The following MYO16 variants were observed in gnomAD, a reference collection of about 807,000 sequenced individuals.
The protein encoded by MYO16 is unconventional myosin-XVI.
In MYO16, 94 loss-of-function variants were observed where a neutral mutation model predicts 205.3. The observed-to-expected ratio is 0.46, with a 90% CI of 0.39 to 0.54. The LOEUF is 0.54. Among genes scored for constraint, MYO16 ranks in the 20% least tolerant of loss-of-function variants. MYO16 has a pLI of 0.00. For missense variants in MYO16, 2,315 were observed against 2,387.5 expected (o/e 0.97, Z 0.63); for synonymous variants, 988 against 954.0 (o/e 1.04, Z -0.66).
chr13:108,844,310 G>C, intron 9 of MYO16, 33 bp from the exon 10 acceptor site: 5 of 1,579,088 alleles, frequency 3.2e-6, no homozygotes, highest in Non-Finnish European at 4.3e-6. Context: ...ATTAGAAAGA[G>C]ACTAATTGTA....
intron 15 of MYO16, among the ~76,000 whole-genome samples, chr13:108,904,680 A>G (rs1339385986): frequency 1.3e-5 from 2 of 152,180 alleles, no homozygotes. Context: ...AAGTGGGGAA[A>G]TAAACTTTCT....
intron 16 of MYO16, among the ~76,000 whole-genome samples, chr13:108,929,388 T>G (rs2139286736): frequency 6.6e-6 from 1 of 152,220 alleles, no homozygotes; most frequent in East Asian, 1.9e-4. Context: ...GAAAGAATAA[T>G]GAGGTACCAT....
chr13:108,540,037 T>C, the MYO16 span, among the ~76,000 whole-genome samples: 20 of 152,104 alleles, frequency 1.3e-4, no homozygotes, highest in Admixed American at 2.6e-4. Flanking sequence ...AAAGTAATAA[T>C]GTAATGGGAG....
At chr13:108,785,035 A>G (rs1386093060) in intron 4 of MYO16, among the ~76,000 whole-genome samples, 2 of 152,192 alleles carry the variant, frequency 1.3e-5, no homozygotes, top group Non-Finnish European at 2.9e-5. Context: ...GAATGGCCAT[A>G]TTTAATACAG....
At chr13:108,570,192 TCTTG>T in the MYO16 span, among the ~76,000 whole-genome samples, 1 of 152,130 alleles carries the variant, frequency 6.6e-6, no homozygotes, top group Non-Finnish European at 1.5e-5. Context: ...GAAGGGCTGG[TCTTG>T]CTTGCTTGGT....
intron 1 of MYO16, among the ~76,000 whole-genome samples, chr13:108,597,432 G>A (rs1409534872): frequency 6.6e-6 from 1 of 151,978 alleles, no homozygotes; most frequent in Non-Finnish European, 1.5e-5. Flanking sequence ...TTTAGATGTT[G>A]TCTTATTGAT....
rs532393635 is a variant in MYO16, at chr13:108,923,383, A to G, written c.1925+13233A>G. ...CAGCTCAGTCATTGCTTTTGCTAGC[A>G]GTTACTGACACTAGGAGAGTTATTT... On this transcript the variant is annotated intron_variant, in intron 16 of 34. Coordinates refer to ENST00000457511, the MANE Select transcript of MYO16 (RefSeq NM_001198950.3). 1.2e-4 allele frequency among the ~76,000 whole-genome samples: 18 copies of G among 152,380 alleles called. 1 individual carries two copies. In the South Asian group the frequency reaches 3.5e-3, roughly 30 times the overall value.
At chr13:108,666,502 T>G (rs141332458) in intron 2 of MYO16, among the ~76,000 whole-genome samples, 2,154 of 152,226 alleles carry the variant, frequency 0.014, 24 homozygotes, top group Non-Finnish European at 0.021. Context: ...TAGAAAATTT[T>G]TATAGAGACA....
chr13:109,161,204 G>C (rs956739276), intron 32 of MYO16, among the ~76,000 whole-genome samples: 2 of 152,248 alleles, frequency 1.3e-5, no homozygotes, highest in African/African-American at 2.4e-5. Flanking sequence ...CCAGAGTGCA[G>C]CTTTGCAACC....
chr13:109,127,291 CAA>C lies in MYO16; in HGVS notation c.3793_3794del (p.Lys1265GlufsTer42), dbSNP rs1186524125. The C allele has an allele frequency of 1.3e-6, 2 of 1,584,678 alleles. No homozygotes were observed. The highest frequency in any genetic ancestry group is 1.3e-5 in the African/African-American group (1 of 74,340). ...TTTGTTTCCCCCTAAGAACCGATGACAAGAGTGGACCCAGGCATTTCCACCCC... is the reference window on the plus strand; with the variant it reads ...TTTGTTTCCCCCTAAGAACCGATGACGAGTGGACCCAGGCATTTCCACCCC... ...QEEGSKRTDD[K>X]SGPRHFHPSS... On this transcript the variant is annotated frameshift_variant, in exon 31 of 35. Coordinates refer to ENST00000457511, the MANE Select transcript of MYO16 (RefSeq NM_001198950.3). LOFTEE classifies it high-confidence loss of function. This position sits in a 1 kb window ranked among gnomAD's most constrained non-coding sequence, Gnocchi z 4.2.
intron 28 of MYO16, among the ~76,000 whole-genome samples, chr13:109,110,460 A>G (rs1402137406): frequency 6.6e-6 from 1 of 152,226 alleles, no homozygotes; most frequent in African/African-American, 2.4e-5. Context: ...CTTAAACTAT[A>G]ATTATATGTA....
chr13:109,072,866 CT>C (rs1031283605), intron 27 of MYO16, among the ~76,000 whole-genome samples: 1 of 152,156 alleles, frequency 6.6e-6, no homozygotes, highest in Non-Finnish European at 1.5e-5. Flanking sequence ...ACTCCTTTGT[CT>C]TTTGTTTCCT....
chr13:108,551,344 A>G, the MYO16 span, among the ~76,000 whole-genome samples: 5 of 152,114 alleles, frequency 3.3e-5, no homozygotes, highest in African/African-American at 1.2e-4. Context: ...ACTGGCTCCC[A>G]AAACTGAGGC....
the MYO16 span, among the ~76,000 whole-genome samples, chr13:108,549,657 T>C: frequency 2.6e-3 from 390 of 152,102 alleles, 2 homozygotes; most frequent in African/African-American, 8.5e-3. Flanking sequence ...CCTTTGGGGA[T>C]GGAAAGACAG....
the MYO16 span, among the ~76,000 whole-genome samples, chr13:108,582,028 CTG>C: frequency 6.6e-6 from 1 of 151,936 alleles, no homozygotes; most frequent in South Asian, 2.1e-4. Flanking sequence ...ATTTGAGAGA[CTG>C]TGTATTATTT....
Position 109,140,577 on chromosome 13 carries a change from G to C in MYO16, c.4365G>C (p.Glu1455Asp). 1 of 1,533,956 alleles carries C rather than the reference G, an allele frequency of 6.5e-7. No homozygotes were observed. The highest frequency in any genetic ancestry group is 8.7e-7 in the Non-Finnish European group (1 of 1,146,826). The change falls in exon 32 of 35, where the codon GAG becomes GAC. Residue 1455 changes from glutamate to aspartate, a missense_variant. Coordinates refer to ENST00000457511, the MANE Select transcript of MYO16 (RefSeq NM_001198950.3). The surrounding 1 kb of genome is among the most constrained non-coding windows in gnomAD (Gnocchi z 8.0). The part of the protein sequence containing the change: ...DSPDPGESVY[E>D]EMKCCLPDDG... ...CGGACCCCGGGGAGTCCGTGTACGA[G>C]GAGATGAAGTGTTGCCTGCCCGACG... is the stretch of plus-strand genomic sequence containing the variant.
At chr13:108,775,374 A>G (rs1263365274) in intron 4 of MYO16, among the ~76,000 whole-genome samples, 1 of 152,202 alleles carries the variant, frequency 6.6e-6, no homozygotes, top group Admixed American at 6.5e-5. Flanking sequence ...GGAAGAGAAA[A>G]ATTATATTGT....
rs142592851 is a variant in MYO16 at position 108,895,223 on chromosome 13, A to G, written c.1660-2793A>G. On this transcript the variant is annotated intron_variant, in intron 14 of 34. Transcript: ENST00000457511. ...CATTATAAATACAAAAAAAAAGTCAATAAAATTTGAATAAGTAAATATTGA... is the reference window on the plus strand; with the variant it reads ...CATTATAAATACAAAAAAAAAGTCAGTAAAATTTGAATAAGTAAATATTGA... 7.4e-3 allele frequency among the ~76,000 whole-genome samples: 1,130 copies of G among 152,256 alleles called. 8 individuals are homozygous for G. The highest frequency in any genetic ancestry group is 0.013 in the Non-Finnish European group (901 of 68,030).
At chr13:108,896,744 G>A (rs144709885) in intron 14 of MYO16, among the ~76,000 whole-genome samples, 7,517 of 152,194 alleles carry the variant, frequency 0.049, 288 homozygotes, top group Non-Finnish European at 0.074. Context: ...CGAGGTGGGC[G>A]GATCACCTGA....
Sources: allele counts gnomAD v4.1 joint callset (sites outside exome capture counted in the v4.1 genomes callset), GRCh38; gene constraint gnomAD v4.1.1; non-coding constraint Gnocchi (gnomAD v3.1); transcripts MANE v1.5; gene names NCBI Gene and HGNC (gene_info 2026-07-23, HGNC 2026-07-21).